PSMA6: variants seen among roughly 807,000 people sequenced by gnomAD.
PSMA6 encodes proteasome 20S subunit alpha 6.
For missense variants in PSMA6, 170 were observed against 294.8 expected (o/e 0.58, Z 3.10); for synonymous variants, 88 against 97.7 (o/e 0.90, Z 0.59).
upstream of PSMA6, among the ~76,000 whole-genome samples, chr14:35,290,095 A>G (rs1038303294): frequency 1.6e-4 from 24 of 152,122 alleles, no homozygotes; most frequent in African/African-American, 5.6e-4. Flanking sequence ...TTCTCTTTCA[A>G]ACGTGGGGTT....
chr14:35,292,293 G>A (rs768765529), upstream of PSMA6: 6 of 1,417,446 alleles, frequency 4.2e-6, no homozygotes, highest in South Asian at 9.1e-5. Context: ...CACCCCCTTA[G>A]GGGGCGGGGC....
At chr14:35,314,017 G>A (rs72666610) in intron 5 of PSMA6, 2,375 of 156,098 alleles carry the variant, frequency 0.015, 36 homozygotes, top group South Asian at 0.054. Context: ...CGTTTTTACT[G>A]TAAATTCCTT....
Position 35,292,539 on chromosome 14 carries a change from G to T in PSMA6, c.63G>T (p.Arg21=). ...TTACCATTTTTTCACCCGAGGGTCG[G>T]CTCTACCAAGTAGGTGAGTGAACCA... ...RHITIFSPEG[R]LYQVEYAFKA... The change falls in exon 1 of 7, where the codon CGG becomes CGT. Residue 21 remains arginine, a synonymous_variant. Transcript: ENST00000261479. The T allele has an allele frequency of 6.2e-7, 1 of 1,613,700 alleles. No individual in the cohort carries two copies. Among genetic ancestry groups the T allele is most frequent in the South Asian group, 1.1e-5 (1 of 91,050 alleles).
Position 35,317,294 on chromosome 14 carries a change from A to G in PSMA6, c.729A>G (p.Ala243=), listed in dbSNP as rs776714877. The G allele has an allele frequency of 2.5e-5, 41 of 1,609,756 alleles. No individual in the cohort carries two copies. The highest frequency in any genetic ancestry group is 3.5e-5 in the Non-Finnish European group (41 of 1,176,964). ...AEIDAHLVAL[A]ERD is the part of the protein sequence containing the mutation. ...TTGATGCTCACCTTGTTGCTCTAGC[A>G]GAGAGAGACTAAACATTGTCGTTAG... is the stretch of plus-strand genomic sequence containing the variant. Residue 243 remains alanine (A), a synonymous_variant, in exon 7 of 7, where the codon GCA becomes GCG. Coordinates refer to ENST00000261479, the MANE Select transcript of PSMA6 (RefSeq NM_002791.3).
At chr14:35,292,680 C>T (rs2051508267) in intron 1 of PSMA6, 128 bp downstream of exon 1, 1 of 1,479,014 alleles carries the variant, frequency 6.8e-7, no homozygotes, top group Non-Finnish European at 9.0e-7. Flanking sequence ...GGGAGAACGG[C>T]TGAAGCTGGA....
chr14:35,289,993 TA>T (rs923222710), upstream of PSMA6, among the ~76,000 whole-genome samples: 1 of 150,870 alleles, frequency 6.6e-6, no homozygotes, highest in Admixed American at 6.6e-5. Flanking sequence ...ATTAAGAAAT[TA>T]AGACTGCTAC....
chr14:35,285,489 T>G (rs7492294), intron 1 of PSMA6, among the ~76,000 whole-genome samples: 31 of 152,314 alleles, frequency 2.0e-4, no homozygotes, highest in African/African-American at 7.5e-4. Context: ...TCTCTCTCCC[T>G]CTCTCCAATT....
intron 1 of PSMA6, among the ~76,000 whole-genome samples, chr14:35,281,952 A>C (rs909132083): frequency 2.0e-5 from 3 of 152,128 alleles, no homozygotes; most frequent in Admixed American, 2.0e-4. Context: ...TCTTGTTCTC[A>C]GTTAATCCCT....
At chr14:35,298,342 T>C (rs772113884) in intron 1 of PSMA6, among the ~76,000 whole-genome samples, 1 of 151,940 alleles carries the variant, frequency 6.6e-6, no homozygotes, top group East Asian at 1.9e-4. Flanking sequence ...ATACAAAAAT[T>C]AGCTGGGTGT....
intron 1 of PSMA6, among the ~76,000 whole-genome samples, chr14:35,301,661 A>G (rs1006641037): frequency 2.0e-5 from 3 of 152,336 alleles, no homozygotes; most frequent in East Asian, 1.9e-4. Context: ...GCACTGGTCT[A>G]TATAAAGAAC....
At chr14:35,292,080 G>A (rs1184642916), upstream of PSMA6, among the ~76,000 whole-genome samples, 1 of 152,190 alleles carries the variant, frequency 6.6e-6, no homozygotes, top group African/African-American at 2.4e-5. Flanking sequence ...TAAGAGACTT[G>A]TTAATTACAC....
intron 4 of PSMA6, chr14:35,312,653 CTA>C: frequency 2.4e-6 from 1 of 424,114 alleles, no homozygotes; most frequent in African/African-American, 2.1e-5. Context: ...ATTATTCAAA[CTA>C]TTTTTTTTAA....
chr14:35,310,956 A>G, intron 4 of PSMA6, 61 bp downstream of exon 4: 6 of 1,492,468 alleles, frequency 4.0e-6, no homozygotes, highest in Non-Finnish European at 5.5e-6. Flanking sequence ...CAGAACATGT[A>G]TACAGAATTA....
At chr14:35,285,993 C>T (rs1459040957) in intron 1 of PSMA6, among the ~76,000 whole-genome samples, 1 of 152,196 alleles carries the variant, frequency 6.6e-6, no homozygotes, top group Non-Finnish European at 1.5e-5. Context: ...TAGATCAAAG[C>T]GAAATAGCCA....
intron 1 of PSMA6, among the ~76,000 whole-genome samples, chr14:35,285,384 T>A (rs1285863565): frequency 6.6e-6 from 1 of 151,392 alleles, no homozygotes; most frequent in Non-Finnish European, 1.5e-5. Context: ...ACACTCTTGC[T>A]TTTCTATCAA....
rs145415943 is a variant in PSMA6 at position 35,297,988 on chromosome 14, G to C, written c.76+5436G>C. Among the ~76,000 whole-genome samples the C allele has an allele frequency of 1.5e-3, 224 of 152,316 alleles. 1 individual carries two copies. The highest frequency in any genetic ancestry group is 5.1e-3 in the African/African-American group (210 of 41,574). On this transcript the variant is annotated intron_variant, in intron 1 of 6. Coordinates refer to ENST00000261479, the MANE Select transcript of PSMA6 (RefSeq NM_002791.3). ...AATAACTGTTGATACCATTTTGTTTGAGCAAGGAAGCAATTTACTTCCTAA... is the reference window on the plus strand; with the variant it reads ...AATAACTGTTGATACCATTTTGTTTCAGCAAGGAAGCAATTTACTTCCTAA...
chr14:35,315,987 ATGTCCTTT>A (rs1424957367), intron 6 of PSMA6: 4 of 152,348 alleles, frequency 2.6e-5, no homozygotes, highest in African/African-American at 9.6e-5. Context: ...GCACTAAAAA[ATGTCCTTT>A]TGACAAATTT....
At chr14:35,311,758 A>T (rs1341507272) in intron 4 of PSMA6, among the ~76,000 whole-genome samples, 3 of 152,204 alleles carry the variant, frequency 2.0e-5, no homozygotes, top group African/African-American at 7.2e-5. Flanking sequence ...TAACAAAGTT[A>T]CATGTATAGA....
At chr14:35,296,315 C>A (rs1415516160) in intron 1 of PSMA6, among the ~76,000 whole-genome samples, 1 of 148,050 alleles carries the variant, frequency 6.8e-6, no homozygotes, top group Admixed American at 6.8e-5. Flanking sequence ...TCAATGTTTT[C>A]TGGGTGTTTG....
Sources: gnomAD v4.1 joint callset for allele counts (sites outside exome capture counted in the v4.1 genomes callset) on GRCh38, gnomAD v4.1.1 for gene constraint, MANE v1.5 for transcripts, NCBI Gene and HGNC (gene_info 2026-07-23, HGNC 2026-07-21) for gene names.